The following GRK3 variants were observed in gnomAD, a reference collection of about 807,000 sequenced individuals.
GRK3 encodes the protein adrenergic, beta, receptor kinase 2.
A neutral mutation model predicts 95.7 loss-of-function variants in GRK3; 54 were observed. The ratio of observed to expected loss-of-function variants is 0.56; its 90% CI spans 0.45 to 0.71. The LOEUF (loss-of-function observed/expected upper bound fraction) is 0.71. Ranked by LOEUF, GRK3 falls within the 30% of genes least tolerant of loss-of-function variation. The pLI, the probability that GRK3 is intolerant of heterozygous loss-of-function variation, is 0.00. For synonymous variants in GRK3, 281 were observed against 290.8 expected (o/e 0.97, Z 0.34); for missense variants, 649 against 851.2 (o/e 0.76, Z 2.96).
intron 1 of GRK3, among the ~76,000 whole-genome samples, chr22:25,576,057 C>T (rs1016722137): frequency 3.3e-5 from 5 of 152,196 alleles, no homozygotes; most frequent in South Asian, 4.1e-4. Flanking sequence ...CCCAAAAGTG[C>T]GCTAACTCAC....
intron 1 of GRK3, among the ~76,000 whole-genome samples, chr22:25,591,010 C>T (rs1478103803): frequency 6.6e-6 from 1 of 152,076 alleles, no homozygotes; most frequent in Non-Finnish European, 1.5e-5. Context: ...CTTAAGTTAG[C>T]AGAGACCCCC....
intron 2 of GRK3, among the ~76,000 whole-genome samples, chr22:25,619,501 C>T (rs1483769243): frequency 6.6e-6 from 1 of 151,922 alleles, no homozygotes; most frequent in East Asian, 1.9e-4. Context: ...TCGTTGTTTT[C>T]GATAAAGGGT....
intron 2 of GRK3, among the ~76,000 whole-genome samples, chr22:25,634,006 G>A (rs939727378): frequency 6.6e-6 from 1 of 151,966 alleles, no homozygotes; most frequent in African/African-American, 2.4e-5. Context: ...TCAATAACCA[G>A]CTTGCTTTTG....
At chr22:25,644,704 A>G (rs774543610) in intron 3 of GRK3, 39 bp downstream of exon 3, 8 of 1,073,840 alleles carry the variant, frequency 7.4e-6, no homozygotes, top group East Asian at 4.8e-5. Flanking sequence ...TTCTTTCAAA[A>G]GCATATTTAA....
At position 25,649,171 on chromosome 22, in the gene GRK3, A is replaced by C. The variant is rs1400439663; in HGVS notation, c.264+4506A>C. ...GAAAGACCAACATTTGAATATGTTCAGTCCTTCTTGGGAGACTACTTCACT... is the reference window on the plus strand; with the variant it reads ...GAAAGACCAACATTTGAATATGTTCCGTCCTTCTTGGGAGACTACTTCACT... On this transcript the variant is annotated intron_variant, in intron 3 of 20. Transcript: ENST00000324198. 2.2e-6 allele frequency: 3 copies of C among 1,381,638 alleles called. No individual in the cohort carries two copies. The Admixed American group carries it at 5.0e-5, about 23-fold the overall frequency. 85.6% of individuals were successfully genotyped at this position (1,381,638 alleles called of 1,614,324 possible).
At chr22:25,712,334 A>G (rs185423097) in intron 17 of GRK3, among the ~76,000 whole-genome samples, 3 of 152,374 alleles carry the variant, frequency 2.0e-5, no homozygotes, top group African/African-American at 4.8e-5. Context: ...AGACCTGTGC[A>G]CAACCAGGCA....
At chr22:25,720,508 G>C (rs969308505) in intron 19 of GRK3, among the ~76,000 whole-genome samples, 1 of 105,866 alleles carries the variant, frequency 9.4e-6, no homozygotes, top group Non-Finnish European at 1.7e-5. Flanking sequence ...ACAGAGTCTT[G>C]CTCTGTCGCC....
At chr22:25,661,979 A>G (rs760498006) in intron 4 of GRK3, among the ~76,000 whole-genome samples, 1 of 152,264 alleles carries the variant, frequency 6.6e-6, no homozygotes, top group Non-Finnish European at 1.5e-5. Flanking sequence ...AAAGGAAATT[A>G]AGCTTTATTA....
chr22:25,571,340 T>A (rs577389749), intron 1 of GRK3, among the ~76,000 whole-genome samples: 6 of 152,334 alleles, frequency 3.9e-5, no homozygotes, highest in Non-Finnish European at 8.8e-5. Context: ...ATTTAGTTTC[T>A]CCATCAGTAA....
chr22:25,656,311 T>A (rs190222427), intron 3 of GRK3, among the ~76,000 whole-genome samples: 1 of 152,256 alleles, frequency 6.6e-6, no homozygotes, highest in East Asian at 1.9e-4. Context: ...TCAACCAATA[T>A]TTATTTATTA....
intron 3 of GRK3, chr22:25,647,417 C>T: frequency 3.0e-6 from 4 of 1,323,436 alleles, no homozygotes; most frequent in South Asian, 1.2e-5. Flanking sequence ...CAGTTAATTT[C>T]AGCCGTCTTT....
At chr22:25,620,428 G>A (rs958349273) in intron 2 of GRK3, among the ~76,000 whole-genome samples, 1 of 152,162 alleles carries the variant, frequency 6.6e-6, no homozygotes, top group Non-Finnish European at 1.5e-5. Flanking sequence ...GGGGATTGTC[G>A]TGTTGGGTGG....
chr22:25,600,664 C>T (rs2084403615), intron 1 of GRK3, among the ~76,000 whole-genome samples: 1 of 152,134 alleles, frequency 6.6e-6, no homozygotes, highest in Admixed American at 6.5e-5. Context: ...GATACTACCC[C>T]ATTTTATATA....
chr22:25,683,848 C>T (rs1415768510), intron 9 of GRK3, among the ~76,000 whole-genome samples: 3 of 152,146 alleles, frequency 2.0e-5, no homozygotes, highest in Non-Finnish European at 2.9e-5. Context: ...ATGGTATCCT[C>T]TGATGAATAG....
intron 12 of GRK3, among the ~76,000 whole-genome samples, chr22:25,693,098 C>G (rs921793203): frequency 1.3e-5 from 2 of 152,168 alleles, no homozygotes; most frequent in African/African-American, 4.8e-5. Context: ...CGCAGGAAAA[C>G]TTTTGGAGCT....
intron 2 of GRK3, among the ~76,000 whole-genome samples, chr22:25,642,120 A>C (rs574144565): frequency 4.9e-4 from 75 of 152,332 alleles, no homozygotes; most frequent in Non-Finnish European, 7.5e-4. Context: ...TCAACACTTC[A>C]CTGTTGATGA....
At chr22:25,583,692 G>A (rs1343387242) in intron 1 of GRK3, among the ~76,000 whole-genome samples, 1 of 152,148 alleles carries the variant, frequency 6.6e-6, no homozygotes, top group African/African-American at 2.4e-5. Flanking sequence ...GAGCGAATGG[G>A]TGAATGAACA....
At chr22:25,596,564 C>T (rs2084373791) in intron 1 of GRK3, among the ~76,000 whole-genome samples, 1 of 152,150 alleles carries the variant, frequency 6.6e-6, no homozygotes. Flanking sequence ...CAGGAGAGTA[C>T]TATGAGTGAC....
chr22:25,633,328 T>G (rs1256920427), intron 2 of GRK3, among the ~76,000 whole-genome samples: 2 of 152,184 alleles, frequency 1.3e-5, no homozygotes, highest in African/African-American at 4.8e-5. Flanking sequence ...TTATTGATTT[T>G]TTACAAAAAT....
Sources: gnomAD v4.1 joint callset for allele counts (sites outside exome capture counted in the v4.1 genomes callset) on GRCh38, gnomAD v4.1.1 for gene constraint, MANE v1.5 for transcripts, NCBI Gene and HGNC (gene_info 2026-07-23, HGNC 2026-07-21) for gene names.